EPHB1: variants seen among roughly 807,000 people sequenced by gnomAD.
EPHB1 encodes EPH receptor B1, also known as ephrin type-B receptor 1.
A neutral mutation model predicts 94.4 loss-of-function variants in EPHB1; 30 were observed. The ratio of observed to expected loss-of-function variants is 0.32; its 90% CI spans 0.24 to 0.43. The LOEUF (loss-of-function observed/expected upper bound fraction) is 0.43. Ranked by LOEUF, EPHB1 falls within the 20% of genes least tolerant of loss-of-function variation. The pLI, the probability that EPHB1 is intolerant of heterozygous loss-of-function variation, is 1.00. For synonymous variants in EPHB1, 522 were observed against 489.1 expected (o/e 1.07, Z -0.89); for missense variants, 1,055 against 1,308.3 (o/e 0.81, Z 2.99).
At chr3:134,847,847 A>G (rs746608217) in intron 1 of EPHB1, among the ~76,000 whole-genome samples, 7 of 152,238 alleles carry the variant, frequency 4.6e-5, no homozygotes, top group Non-Finnish European at 1.0e-4. Context: ...TTGTGGCTGA[A>G]GATATCCTGT....
At chr3:135,210,719 T>C (rs1267233363) in intron 12 of EPHB1, among the ~76,000 whole-genome samples, 1 of 152,184 alleles carries the variant, frequency 6.6e-6, no homozygotes, top group Admixed American at 6.5e-5. Context: ...GGCCCTTCCA[T>C]CTCGTTCTCC....
At chr3:134,865,200 G>A (rs2037349226) in intron 1 of EPHB1, among the ~76,000 whole-genome samples, 3 of 151,836 alleles carry the variant, frequency 2.0e-5, no homozygotes, top group Admixed American at 1.3e-4. Flanking sequence ...AAATCAATGT[G>A]GTATTTTCTA....
chr3:134,942,952 T>A (rs2039148021), intron 2 of EPHB1, among the ~76,000 whole-genome samples: 1 of 152,240 alleles, frequency 6.6e-6, no homozygotes, highest in Non-Finnish European at 1.5e-5. Flanking sequence ...TATTATCAAA[T>A]GCTAAATTGC....
At chr3:135,028,276 G>T (rs1936271403) in intron 3 of EPHB1, among the ~76,000 whole-genome samples, 1 of 146,356 alleles carries the variant, frequency 6.8e-6, no homozygotes, top group African/African-American at 2.7e-5. Flanking sequence ...GCTTTTGAAT[G>T]TGTTTGCTCT....
At chr3:134,996,511 A>T (rs1363913819) in intron 3 of EPHB1, among the ~76,000 whole-genome samples, 1 of 152,176 alleles carries the variant, frequency 6.6e-6, no homozygotes, top group Non-Finnish European at 1.5e-5. Flanking sequence ...TCTTAAGATA[A>T]ATCCAACACG....
At chr3:135,053,027 G>GTGTGTATA (rs1256844091) in intron 3 of EPHB1, among the ~76,000 whole-genome samples, 5 of 110,464 alleles carry the variant, frequency 4.5e-5, no homozygotes, top group African/African-American at 2.1e-4. Context: ...GTGTGTGTGT[G>GTGTGTATA]TATATATATA....
chr3:135,108,938 G>A (rs111699645), intron 4 of EPHB1, among the ~76,000 whole-genome samples: 3,902 of 152,280 alleles, frequency 0.026, 152 homozygotes, highest in African/African-American at 0.085. Context: ...ATCACCTTCA[G>A]TGAGGAGTTA....
intron 3 of EPHB1, among the ~76,000 whole-genome samples, chr3:135,098,485 G>A (rs1022548747): frequency 6.6e-6 from 1 of 151,950 alleles, no homozygotes; most frequent in Admixed American, 6.6e-5. Context: ...GATTTATTTA[G>A]TCAATACCTT....
intron 3 of EPHB1, among the ~76,000 whole-genome samples, chr3:135,003,950 C>A (rs1325346508): frequency 6.6e-6 from 1 of 151,868 alleles, no homozygotes; most frequent in African/African-American, 2.4e-5. Context: ...AGCATTTAGT[C>A]CATTTACATT....
chr3:135,019,218 A>G (rs907973768), intron 3 of EPHB1, among the ~76,000 whole-genome samples: 7 of 151,952 alleles, frequency 4.6e-5, no homozygotes, highest in Non-Finnish European at 8.8e-5. Flanking sequence ...ATTCTTCCCT[A>G]CCTCTTCCAA....
chr3:134,846,733 G>A (rs1225723076), intron 1 of EPHB1, among the ~76,000 whole-genome samples: 1 of 152,076 alleles, frequency 6.6e-6, no homozygotes, highest in African/African-American at 2.4e-5. Flanking sequence ...GGCAGAGCAG[G>A]CAGGCTGAGT....
chr3:135,208,290 C>CGTGTGTGTGTGTGTGTGT (rs55947191), intron 12 of EPHB1, among the ~76,000 whole-genome samples: 1 of 142,684 alleles, frequency 7.0e-6, no homozygotes, highest in African/African-American at 2.6e-5. Flanking sequence ...CCTTTCATGA[C>CGTGTGTGTGTGTGTGTGT]GTGTGTGTGT....
chr3:134,951,366 T>C lies in EPHB1; in HGVS notation c.124-5T>C, dbSNP rs1205389289. The stretch of plus-strand genomic sequence containing the variant: ...ATGTGTGTGCCTGTGGCCTGCTATG[T>C]ACAGTGGGAAGAAGTCAGTGGCTAC... On this transcript the variant is annotated splice_polypyrimidine_tract_variant and splice_region_variant and intron_variant, in intron 2 of 15. Coordinates refer to ENST00000398015, the MANE Select transcript of EPHB1 (RefSeq NM_004441.5). This position sits in a 1 kb window ranked among gnomAD's most constrained non-coding sequence, Gnocchi z 4.5. 5 of 1,556,384 alleles carry C rather than the reference T, an allele frequency of 3.2e-6. No individual in the cohort carries two copies. Among genetic ancestry groups the C allele is most frequent in the Admixed American group, 1.9e-5 (1 of 53,866 alleles).
At chr3:135,126,128 C>G (rs1186625181) in intron 4 of EPHB1, among the ~76,000 whole-genome samples, 2 of 152,198 alleles carry the variant, frequency 1.3e-5, no homozygotes, top group Non-Finnish European at 2.9e-5. Context: ...TCTGGTCACC[C>G]TCTCTACCAC....
chr3:135,057,353 G>A (rs1337331648), intron 3 of EPHB1, among the ~76,000 whole-genome samples: 1 of 152,174 alleles, frequency 6.6e-6, no homozygotes, highest in Non-Finnish European at 1.5e-5. Flanking sequence ...ACTGAGGCCA[G>A]CTGGCTCATT....
chr3:135,140,467 T>A (rs1320450979), intron 5 of EPHB1, among the ~76,000 whole-genome samples: 1 of 152,212 alleles, frequency 6.6e-6, no homozygotes, highest in South Asian at 2.1e-4. Flanking sequence ...GTTAAATAAA[T>A]ACATGAATGA....
chr3:135,144,958 T>C (rs1274319569), intron 5 of EPHB1, among the ~76,000 whole-genome samples: 2 of 152,158 alleles, frequency 1.3e-5, no homozygotes, highest in African/African-American at 4.8e-5. Context: ...ATGTCCACAA[T>C]AGAGGAAAAC....
chr3:135,234,659 G>T (rs546178893), intron 12 of EPHB1, among the ~76,000 whole-genome samples: 1 of 152,336 alleles, frequency 6.6e-6, no homozygotes, highest in East Asian at 1.9e-4. Context: ...CAGCATGGCT[G>T]AGGAGACCTC....
intron 1 of EPHB1, among the ~76,000 whole-genome samples, chr3:134,882,753 TCTTC>T (rs144731148): frequency 2.2e-4 from 14 of 63,286 alleles, no homozygotes; most frequent in African/African-American, 8.5e-4. Context: ...TTTCTTCCTT[TCTTC>T]CTTCCTTCCT....
Sources: allele counts gnomAD v4.1 joint callset (sites outside exome capture counted in the v4.1 genomes callset), GRCh38; gene constraint gnomAD v4.1.1; non-coding constraint Gnocchi (gnomAD v3.1); transcripts MANE v1.5; gene names NCBI Gene and HGNC (gene_info 2026-07-23, HGNC 2026-07-21).